The following SOD2 variants were observed in gnomAD, a reference collection of about 807,000 sequenced individuals.
SOD2 encodes superoxide dismutase [Mn], mitochondrial.
A neutral mutation model predicts 27.0 loss-of-function variants in SOD2; 11 were observed. The ratio of observed to expected loss-of-function variants is 0.41; its 90% confidence interval spans 0.26 to 0.67. The LOEUF (loss-of-function observed/expected upper bound fraction) is 0.67, where lower values mean the gene tolerates loss of function less well. SOD2 is among the 30% of genes least tolerant of loss of function. SOD2 has a pLI of 0.34. For synonymous variants in SOD2, 105 were observed against 103.0 expected (o/e 1.02, Z -0.12); for missense variants, 250 against 274.5 (o/e 0.91, Z 0.63).
chr6:159,684,004 T>C (rs780463841), intron 4 of SOD2, among the ~76,000 whole-genome samples: 1 of 152,186 alleles, frequency 6.6e-6, no homozygotes, highest in African/African-American at 2.4e-5. Context: ...CTATTTCCCA[T>C]ACTCTTCAGT....
upstream of SOD2, chr6:159,693,328 G>GGCCCCCCCCCCCCCCCCCCCC (rs1777334279): frequency 5.1e-6 from 1 of 195,776 alleles, no homozygotes; most frequent in African/African-American, 4.1e-5. Context: ...CCGCCGCCCC[G>GGCCCCCCCCCCCCCCCCCCCC]CCCCCCCCCC....
rs200936281 is a variant in SOD2 at position 159,742,052 on chromosome 6, A to C, written c.-116+3078T>G. 9 of 1,434,320 alleles carry C rather than the reference A, an allele frequency of 6.3e-6. No homozygotes were observed. In the African/African-American group the frequency reaches 1.3e-4, roughly 21 times the overall value. 88.8% of individuals were successfully genotyped at this position (1,434,320 alleles called of 1,614,324 possible). On this transcript the variant is annotated intron_variant, in intron 1 of 3. Coordinates refer to the SOD2 transcript ENST00000537657. ...TCTAGTTTATTTAATAAACTATTTT[A>C]TCGTAACAACTAATGTATGGATTTT... is the stretch of plus-strand genomic sequence containing the variant.
chr6:159,753,609 A>C (rs1417835197), intron 1 of SOD2: 1 of 1,605,760 alleles, frequency 6.2e-7, no homozygotes, highest in Non-Finnish European at 8.5e-7. Flanking sequence ...AAAAGCAGTC[A>C]GGATGGTAAG....
chr6:159,761,020 G>A (rs1331958331), intron 1 of SOD2: 2 of 152,226 alleles, frequency 1.3e-5, no homozygotes, highest in Admixed American at 1.3e-4. Flanking sequence ...CCCACCTCTG[G>A]GGCCTACACT....
intron 1 of SOD2, among the ~76,000 whole-genome samples, chr6:159,740,790 G>A (rs974046297): frequency 1.3e-5 from 2 of 148,736 alleles, no homozygotes; most frequent in African/African-American, 2.5e-5. Flanking sequence ...TGCAACCGCC[G>A]CCTCCCGGTC....
At chr6:159,754,105 A>G (rs1006729241) in intron 1 of SOD2, among the ~76,000 whole-genome samples, 3 of 152,188 alleles carry the variant, frequency 2.0e-5, no homozygotes, top group African/African-American at 4.8e-5. Flanking sequence ...TTTTAGTGCA[A>G]GTGTAGCTGT....
intron 1 of SOD2, among the ~76,000 whole-genome samples, chr6:159,744,838 C>T (rs1045972879): frequency 2.0e-5 from 3 of 152,110 alleles, no homozygotes; most frequent in Non-Finnish European, 2.9e-5. Flanking sequence ...CGCCACCAAG[C>T]GCAGCTAATT....
intron 1 of SOD2, among the ~76,000 whole-genome samples, chr6:159,699,023 A>G (rs1583027840): frequency 6.6e-6 from 1 of 151,892 alleles, no homozygotes; most frequent in African/African-American, 2.4e-5. Flanking sequence ...GGTCAAGTGT[A>G]TTGCTGTTAA....
At chr6:159,753,568 G>A in intron 1 of SOD2, 1 of 1,614,154 alleles carries the variant, frequency 6.2e-7, no homozygotes, top group Non-Finnish European at 8.5e-7. Flanking sequence ...AAGCAGAGTT[G>A]GCTTTACAGA....
At chr6:159,731,576 G>A (rs576684977), upstream of SOD2, among the ~76,000 whole-genome samples, 430 of 152,364 alleles carry the variant, frequency 2.8e-3, 2 homozygotes, top group African/African-American at 9.8e-3. Context: ...CGGGAGGACA[G>A]TATGATTATT....
chr6:159,689,240 T>G (rs1780335214), intron 2 of SOD2, among the ~76,000 whole-genome samples: 1 of 152,174 alleles, frequency 6.6e-6, no homozygotes, highest in South Asian at 2.1e-4. Context: ...TGAACACTCT[T>G]CCCCAAGACA....
At chr6:159,747,767 T>C (rs891485122), upstream of SOD2, among the ~76,000 whole-genome samples, 3 of 152,222 alleles carry the variant, frequency 2.0e-5, no homozygotes, top group African/African-American at 4.8e-5. Context: ...TTAGTAAATA[T>C]AATGTTGATT....
intron 3 of SOD2, among the ~76,000 whole-genome samples, chr6:159,687,739 T>C (rs1780257519): frequency 6.6e-6 from 1 of 151,982 alleles, no homozygotes; most frequent in South Asian, 2.1e-4. Context: ...CCAGGCACGG[T>C]GGCTCATGCC....
chr6:159,710,892 T>G (rs1309276780), intron 1 of SOD2, among the ~76,000 whole-genome samples: 1 of 142,474 alleles, frequency 7.0e-6, no homozygotes, highest in Non-Finnish European at 1.5e-5. Flanking sequence ...CATAACCGCC[T>G]CGACAACCAC....
At chr6:159,758,383 T>C (rs1194186629) in intron 1 of SOD2, among the ~76,000 whole-genome samples, 1 of 152,168 alleles carries the variant, frequency 6.6e-6, no homozygotes, top group Non-Finnish European at 1.5e-5. Context: ...GTAGTCCTCA[T>C]ACAGAGAGCG....
Position 159,674,743 on chromosome 6 carries a change from C to T in SOD2, c.*7750G>A. 1 of 152,204 alleles carries T rather than the reference C, an allele frequency of 6.6e-6. No homozygotes were observed. Among genetic ancestry groups the T allele is most frequent in the Non-Finnish European group, 1.5e-5 (1 of 68,036 alleles). The allele number at this position is 152,204 out of a possible 1,614,324, so 9.4% of individuals were successfully genotyped here. On this transcript the variant is annotated 3_prime_UTR_variant, in exon 5 of 5. Coordinates refer to ENST00000538183, the MANE Select transcript of SOD2 (RefSeq NM_000636.4). ...TTCAACATAGTGTTGGAAGTTCTGG[C>T]CAGGGCCATCAGGCAGGAGAAAGAA...
At chr6:159,727,783 G>T, upstream of SOD2, 1 of 958,862 alleles carries the variant, frequency 1.0e-6, no homozygotes, top group Non-Finnish European at 1.2e-6. Context: ...CCCCCGGCGG[G>T]TAAGGGGCGG....
In SOD2 at chr6:159,682,169, G is replaced by A. The variant is rs965997004; in HGVS notation, c.*324C>T. On this transcript the variant is annotated 3_prime_UTR_variant, in exon 5 of 5. Transcript: ENST00000538183. ...ATTTTCTATAACTGCAATAGAATAG[G>A]ACTAGAAAGGCATCCCTACAAGTCC... 5 of 174,440 alleles carry A rather than the reference G, an allele frequency of 2.9e-5. No individual in the cohort carries two copies. Among genetic ancestry groups the A allele is most frequent in the Non-Finnish European group, 6.0e-5 (5 of 82,842 alleles). The allele number at this position is 174,440 out of a possible 1,614,324, so 10.8% of individuals were successfully genotyped here.
chr6:159,710,139 A>G (rs1777704278), intron 1 of SOD2, among the ~76,000 whole-genome samples: 1 of 150,338 alleles, frequency 6.7e-6, no homozygotes, highest in African/African-American at 2.5e-5. Flanking sequence ...GGGGCGGGAT[A>G]GCATTAGGAG....
Sources: allele counts gnomAD v4.1 joint callset (sites outside exome capture counted in the v4.1 genomes callset), GRCh38; gene constraint gnomAD v4.1.1; transcripts MANE v1.5; gene names NCBI Gene and HGNC (gene_info 2026-07-23, HGNC 2026-07-21).